Variants in NANS observed in about 807,000 individuals in gnomAD.
The protein encoded by NANS is N-acetylneuraminate synthase.
Under a neutral mutation model 33.3 loss-of-function variants are expected in NANS, and 29 were observed. The observed-to-expected ratio is 0.87, with a 90% CI of 0.65 to 1.19. The LOEUF (loss-of-function observed/expected upper bound fraction) is 1.19. Ranked by LOEUF, NANS falls within the 50% of genes most tolerant of loss-of-function variation. NANS has a pLI of 0.00. For synonymous variants in NANS, 163 were observed against 177.2 expected (o/e 0.92, Z 0.64); for missense variants, 394 against 461.1 (o/e 0.85, Z 1.33).
At chr9:98,077,374 A>T (rs989240487) in intron 3 of NANS, among the ~76,000 whole-genome samples, 33 of 141,426 alleles carry the variant, frequency 2.3e-4, no homozygotes, top group African/African-American at 7.8e-4. Context: ...CTTTTTAAGA[A>T]TTTTTTTTTT....
At chr9:98,077,865 C>T (rs1829659630) in intron 3 of NANS, among the ~76,000 whole-genome samples, 1 of 152,208 alleles carries the variant, frequency 6.6e-6, no homozygotes, top group South Asian at 2.1e-4. Context: ...TGAATCAGCA[C>T]TCATTCTACT....
At chr9:98,081,676 C>T (rs1641940219) in intron 5 of NANS, 1 of 152,518 alleles carries the variant, frequency 6.6e-6, no homozygotes, top group South Asian at 2.1e-4. Context: ...TGGCCTGGAC[C>T]TTCTTGCCTT....
chr9:98,081,253 C>A, intron 5 of NANS, 171 bp downstream of exon 5: 1 of 822,960 alleles, frequency 1.2e-6, no homozygotes, highest in Non-Finnish European at 1.9e-6. Context: ...TAATGCATGT[C>A]ACTCTGGCCT....
At chr9:98,081,212 C>A in intron 5 of NANS, 130 bp downstream of exon 5, 1 of 1,239,658 alleles carries the variant, frequency 8.1e-7, no homozygotes, top group South Asian at 1.5e-5. Context: ...TGTGCTCCCA[C>A]CCGTGTCAGC....
chr9:98,075,083 A>C (rs1345690140), intron 2 of NANS: 1 of 151,852 alleles, frequency 6.6e-6, no homozygotes, highest in East Asian at 1.9e-4. Context: ...GGGTGGGACA[A>C]CTGCTTGAGG....
At chr9:98,081,417 C>G (rs1017977767) in intron 5 of NANS, 18 of 256,930 alleles carry the variant, frequency 7.0e-5, no homozygotes, top group Non-Finnish European at 1.1e-4. Flanking sequence ...TGGAATAAGT[C>G]AAGTCTGGGC....
At chr9:98,076,380 CT>C (rs200078832) in intron 2 of NANS, 257 of 145,872 alleles carry the variant, frequency 1.8e-3, no homozygotes, top group Middle Eastern at 7.0e-3. Context: ...TTTCCAGATT[CT>C]TTTTTTTTTT....
chr9:98,076,839 T>C, intron 2 of NANS, 79 bp from the exon 3 acceptor site: 1 of 1,171,512 alleles, frequency 8.5e-7, no homozygotes, highest in Non-Finnish European at 1.2e-6. Context: ...TTTTTCTACT[T>C]GTATGTTATT....
chr9:98,078,607 G>T (rs534102865), intron 4 of NANS, among the ~76,000 whole-genome samples: 2 of 152,028 alleles, frequency 1.3e-5, no homozygotes, highest in South Asian at 2.1e-4. Flanking sequence ...AGGTCGAGGT[G>T]GGCAGATCAC....
intron 2 of NANS, among the ~76,000 whole-genome samples, chr9:98,062,563 C>T (rs997735778): frequency 2.0e-5 from 3 of 152,070 alleles, no homozygotes; most frequent in Non-Finnish European, 2.9e-5. Context: ...TATATATTTC[C>T]TCCTGAAGTC....
At chr9:98,081,609 C>T (rs1829865757) in intron 5 of NANS, 1 of 153,366 alleles carries the variant, frequency 6.5e-6, no homozygotes, top group African/African-American at 2.4e-5. Context: ...GACAGAGGAA[C>T]TGGTGGGCCT....
intron 2 of NANS, among the ~76,000 whole-genome samples, chr9:98,068,650 T>TA (rs55679709): frequency 0.07 from 8,965 of 127,640 alleles, 411 homozygotes; most frequent in South Asian, 0.23. Context: ...CCCCATCTAT[T>TA]AAAAAAAAAA....
intron 2 of NANS, among the ~76,000 whole-genome samples, chr9:98,062,338 C>T (rs534354786): frequency 7.9e-5 from 12 of 152,196 alleles, no homozygotes; most frequent in East Asian, 1.9e-4. Flanking sequence ...GGATGGTCAC[C>T]GGTGGTTTTT....
At chr9:98,071,549 A>C (rs900184760) in intron 2 of NANS, among the ~76,000 whole-genome samples, 2 of 152,226 alleles carry the variant, frequency 1.3e-5, no homozygotes, top group African/African-American at 2.4e-5. Context: ...TATTCAGTGA[A>C]TATCAGTTAC....
At chr9:98,061,793 T>TTAA (rs201705317) in intron 2 of NANS, among the ~76,000 whole-genome samples, 5 of 146,318 alleles carry the variant, frequency 3.4e-5, no homozygotes, top group Non-Finnish European at 7.6e-5. Flanking sequence ...AAAAAAAAAA[T>TTAA]TAATAATAAT....
At chr9:98,057,520 C>A (rs1042322507) in intron 1 of NANS, among the ~76,000 whole-genome samples, 1 of 152,178 alleles carries the variant, frequency 6.6e-6, no homozygotes, top group East Asian at 1.9e-4. Context: ...ACTTAGCCTC[C>A]GTGAACCCTT....
At chr9:98,076,549 AT>A in intron 2 of NANS, 1 of 193,638 alleles carries the variant, frequency 5.2e-6, no homozygotes, top group Non-Finnish European at 1.0e-5. Flanking sequence ...TAATTTTTAT[AT>A]TTTTAGTAGA....
chr9:98,077,088 GC>G, intron 3 of NANS, 71 bp downstream of exon 3: 1 of 1,135,170 alleles, frequency 8.8e-7, no homozygotes, highest in Non-Finnish European at 1.3e-6. Flanking sequence ...CCTCATGGTG[GC>G]CCACTTTCAG....
chr9:98,058,069 G>A (rs1272362229), intron 1 of NANS, among the ~76,000 whole-genome samples: 2 of 151,368 alleles, frequency 1.3e-5, no homozygotes, highest in African/African-American at 2.4e-5. Context: ...ACCCACAGGC[G>A]TGAACCACCA....
Sources: gnomAD v4.1 joint callset for allele counts (sites outside exome capture counted in the v4.1 genomes callset) on GRCh38, gnomAD v4.1.1 for gene constraint, MANE v1.5 for transcripts, NCBI Gene and HGNC (gene_info 2026-07-23, HGNC 2026-07-21) for gene names.